Variants in CAST observed in about 807,000 individuals in gnomAD.
CAST encodes MIR583 host.
In CAST, 76 loss-of-function variants were observed where a neutral mutation model predicts 119.6. The ratio of observed to expected loss-of-function variants is 0.64; its 90% CI spans 0.53 to 0.77. CAST has a LOEUF of 0.77. Among genes scored for constraint, CAST ranks in the 30% least tolerant of loss-of-function variants. The pLI is 0.00. For missense variants in CAST, 953 were observed against 946.5 expected, an observed-to-expected ratio of 1.01 and a Z score of -0.09; for synonymous variants, 319 against 331.6, an observed-to-expected ratio of 0.96 and a Z score of 0.41.
chr5:96,184,408 A>G, the CAST span, among the ~76,000 whole-genome samples: 1 of 152,160 alleles, frequency 6.6e-6, no homozygotes, highest in Admixed American at 6.5e-5. Flanking sequence ...CTATTTTGTT[A>G]TATAGGTAAG....
the CAST span, chr5:95,970,442 T>A: frequency 6.6e-6 from 1 of 152,228 alleles, no homozygotes; most frequent in Non-Finnish European, 1.5e-5. Flanking sequence ...AAATGATAAT[T>A]TGCAACAAGC....
At chr5:96,010,699 G>A in the CAST span, among the ~76,000 whole-genome samples, 1 of 152,184 alleles carries the variant, frequency 6.6e-6, no homozygotes, top group South Asian at 2.1e-4. Flanking sequence ...TGGACAGTAT[G>A]ACCATTTAAA....
At chr5:96,052,066 C>T in the CAST span, among the ~76,000 whole-genome samples, 7 of 152,040 alleles carry the variant, frequency 4.6e-5, no homozygotes, top group South Asian at 2.1e-4. Context: ...GTAAGTGATC[C>T]GAGTTATTGC....
At chr5:96,526,513 T>C (rs1463393002), upstream of CAST, among the ~76,000 whole-genome samples, 1 of 152,214 alleles carries the variant, frequency 6.6e-6, no homozygotes, top group African/African-American at 2.4e-5. Context: ...ACTTATACTT[T>C]CTTTTAGGTA....
chr5:96,528,887 T>G (rs916071166), upstream of CAST, among the ~76,000 whole-genome samples: 1 of 152,232 alleles, frequency 6.6e-6, no homozygotes, highest in Non-Finnish European at 1.5e-5. Flanking sequence ...CGTATTTCTC[T>G]GCATAATCCA....
At chr5:96,659,587 G>A (rs1748214736), upstream of CAST, among the ~76,000 whole-genome samples, 1 of 152,156 alleles carries the variant, frequency 6.6e-6, no homozygotes, top group African/African-American at 2.4e-5. Context: ...GGAGTGCAAT[G>A]GGACAATCTT....
chr5:96,204,567 G>C, the CAST span, among the ~76,000 whole-genome samples: 4 of 152,014 alleles, frequency 2.6e-5, no homozygotes, highest in Non-Finnish European at 5.9e-5. Flanking sequence ...ATAATGTTGG[G>C]AAGTACCACA....
chr5:96,358,399 T>C, the CAST span, among the ~76,000 whole-genome samples: 1 of 152,192 alleles, frequency 6.6e-6, no homozygotes, highest in Non-Finnish European at 1.5e-5. Flanking sequence ...TTCTTGCTCC[T>C]TTAGTTATTT....
In CAST at chr5:96,534,743, A is replaced by AGAAAG. The variant is rs1554066267; in HGVS notation, c.60+4863_60+4864insGAAAG. Among the ~76,000 whole-genome samples the AGAAAG allele has an allele frequency of 6.0e-4, 34 of 56,596 alleles. 2 individuals are homozygous for AGAAAG. Among genetic ancestry groups the AGAAAG allele is most frequent in the African/African-American group, 2.2e-3 (27 of 12,310 alleles). The allele number at this position is 56,596 out of a possible 152,430, so 37.1% of individuals were successfully genotyped here. A position where few individuals can be genotyped will look rare whatever the true frequency, so the allele number is the denominator to read the frequency against. Reference sequence around the variant, plus strand: ...AGAGAGAGAGAGAGAGAGAGAGAGAAAGAAAGAAAGAAAGAAAGAAAGAAA... The same window carrying AGAAAG: ...AGAGAGAGAGAGAGAGAGAGAGAGAAGAAAGAGAAAGAAAGAAAGAAAGAAAGAAA... On this transcript the variant is annotated intron_variant, in intron 1 of 11. Transcript: ENST00000505143.
At chr5:96,613,247 T>C (rs1239225288) in intron 1 of CAST, among the ~76,000 whole-genome samples, 3 of 152,226 alleles carry the variant, frequency 2.0e-5, no homozygotes, top group African/African-American at 7.2e-5. Context: ...GAGGTTATAA[T>C]TTGAATTGCA....
chr5:96,051,020 C>T, the CAST span, among the ~76,000 whole-genome samples: 1 of 152,214 alleles, frequency 6.6e-6, no homozygotes, highest in Admixed American at 6.5e-5. Flanking sequence ...ACAGGTATTA[C>T]AAACACTTTG....
chr5:96,150,080 A>G, the CAST span, among the ~76,000 whole-genome samples: 63 of 152,288 alleles, frequency 4.1e-4, no homozygotes, highest in African/African-American at 1.0e-3. Flanking sequence ...CTGCTGATAC[A>G]TTGGTGAATA....
chr5:96,648,445 A>G (rs542772842), intron 1 of CAST, among the ~76,000 whole-genome samples: 16 of 151,738 alleles, frequency 1.1e-4, no homozygotes, highest in Non-Finnish European at 1.9e-4. Context: ...CAGCACTTGA[A>G]TTAATATATC....
the CAST span, among the ~76,000 whole-genome samples, chr5:96,017,808 A>T: frequency 6.6e-6 from 1 of 152,210 alleles, no homozygotes; most frequent in Non-Finnish European, 1.5e-5. Context: ...TTTTATTTGT[A>T]TAGGTGCATC....
At chr5:96,007,123 G>C in the CAST span, among the ~76,000 whole-genome samples, 1 of 152,096 alleles carries the variant, frequency 6.6e-6, no homozygotes, top group Non-Finnish European at 1.5e-5. Context: ...TCAATTAATT[G>C]ACCAGTTTGC....
At chr5:96,718,896 T>C (rs935126519) in intron 3 of CAST, among the ~76,000 whole-genome samples, 6 of 152,106 alleles carry the variant, frequency 3.9e-5, no homozygotes, top group African/African-American at 1.4e-4. Context: ...ACGCATCCGA[T>C]GCCCCACTCT....
At chr5:96,570,843 C>T (rs1746555183) in intron 1 of CAST, among the ~76,000 whole-genome samples, 1 of 152,182 alleles carries the variant, frequency 6.6e-6, no homozygotes, top group South Asian at 2.1e-4. Context: ...ATAGATGGAA[C>T]TGGAATAATT....
At chr5:96,488,229 A>G in the CAST span, among the ~76,000 whole-genome samples, 1 of 152,194 alleles carries the variant, frequency 6.6e-6, no homozygotes, top group African/African-American at 2.4e-5. Context: ...AAGTAAGCAT[A>G]AGAGACTTAG....
intron 3 of CAST, among the ~76,000 whole-genome samples, chr5:96,707,392 CT>C (rs113091379): frequency 1.0e-3 from 146 of 145,194 alleles, no homozygotes; most frequent in African/African-American, 1.4e-3. Context: ...TTTAGTTAAC[CT>C]TTTTTTTTTT....
Sources: allele counts gnomAD v4.1 joint callset (sites outside exome capture counted in the v4.1 genomes callset), GRCh38; gene constraint gnomAD v4.1.1; transcripts MANE v1.5; gene names NCBI Gene and HGNC (gene_info 2026-07-23, HGNC 2026-07-21).